The following KLHL25 variants were observed in gnomAD, a reference collection of about 807,000 sequenced individuals.
The protein encoded by KLHL25 is kelch like family member 25, also known as kelch-like protein 25.
A neutral mutation model predicts 30.0 loss-of-function variants in KLHL25; 41 were observed. That is an observed-to-expected ratio of 1.37 (90% CI 1.07 to 1.78). The LOEUF (loss-of-function observed/expected upper bound fraction) is 1.78. Among genes scored for constraint, KLHL25 ranks in the 40% most tolerant of loss-of-function variants. The pLI, the probability that KLHL25 is intolerant of heterozygous loss-of-function variation, is 0.00. For synonymous variants in KLHL25, 399 were observed against 355.3 expected, an observed-to-expected ratio of 1.12 and a Z score of -1.38; for missense variants, 971 against 824.5, an observed-to-expected ratio of 1.18 and a Z score of -2.18.
intron 1 of KLHL25, among the ~76,000 whole-genome samples, chr15:85,785,964 A>ACCCCC (rs36016415): frequency 2.0e-4 from 24 of 117,808 alleles, no homozygotes; most frequent in Non-Finnish European, 2.6e-4. Flanking sequence ...CAGCCGACCC[A>ACCCCC]CCCCCCCGCC....
chr15:85,784,487 C>T (rs191382583), intron 1 of KLHL25, among the ~76,000 whole-genome samples: 48 of 151,948 alleles, frequency 3.2e-4, no homozygotes, highest in African/African-American at 1.1e-3. Context: ...GCTGACGTTG[C>T]TCTACTGCAC....
At chr15:85,786,917 G>A (rs370956748) in intron 1 of KLHL25, among the ~76,000 whole-genome samples, 1 of 152,160 alleles carries the variant, frequency 6.6e-6, no homozygotes, top group South Asian at 2.1e-4. Context: ...GCCTAGTGGG[G>A]GGCAGGGGCG....
intron 1 of KLHL25, among the ~76,000 whole-genome samples, 196 bp from the exon 2 acceptor site, chr15:85,770,016 C>A (rs1013724787): frequency 6.6e-6 from 1 of 152,220 alleles, no homozygotes; most frequent in African/African-American, 2.4e-5. Context: ...CCCTGCCCTG[C>A]AGAAACTGGT....
intron 2 of KLHL25, chr15:85,763,571 A>T (rs1019928493): frequency 2.0e-5 from 3 of 152,524 alleles, no homozygotes; most frequent in Non-Finnish European, 4.4e-5. Flanking sequence ...CAGGGGAAAA[A>T]AAATGCTTGT....
chr15:85,785,964 A>ACCCCCCCC (rs36016415), intron 1 of KLHL25, among the ~76,000 whole-genome samples: 5 of 117,842 alleles, frequency 4.2e-5, no homozygotes, highest in South Asian at 3.1e-4. Flanking sequence ...CAGCCGACCC[A>ACCCCCCCC]CCCCCCCGCC....
At chr15:85,773,807 G>A (rs2151809076) in intron 1 of KLHL25, among the ~76,000 whole-genome samples, 1 of 152,288 alleles carries the variant, frequency 6.6e-6, no homozygotes, top group South Asian at 2.1e-4. Flanking sequence ...ATGGAAGCCT[G>A]CGCAGAGGGC....
intron 1 of KLHL25, among the ~76,000 whole-genome samples, chr15:85,786,111 TCTC>T (rs995124497): frequency 3.9e-5 from 6 of 152,126 alleles, no homozygotes; most frequent in Non-Finnish European, 8.8e-5. Flanking sequence ...CCCTTTCCCT[TCTC>T]CTGCTCACTA....
chr15:85,785,904 T>C (rs770671798), intron 1 of KLHL25, among the ~76,000 whole-genome samples: 2 of 152,130 alleles, frequency 1.3e-5, no homozygotes, highest in East Asian at 1.9e-4. Flanking sequence ...CTCAGCGAAA[T>C]GCCTTCAAGC....
intron 1 of KLHL25, among the ~76,000 whole-genome samples, chr15:85,785,474 A>G (rs990981982): frequency 3.9e-5 from 6 of 152,032 alleles, no homozygotes; most frequent in Non-Finnish European, 5.9e-5. Flanking sequence ...CAAAGTTTCA[A>G]CCTTCTGGGC....
In KLHL25 at chr15:85,789,129, T is replaced by C. The variant is rs531849888; in HGVS notation, c.-11+5637A>G. On this transcript the variant is annotated intron_variant, in intron 1 of 2. Coordinates refer to ENST00000337975, the MANE Select transcript of KLHL25 (RefSeq NM_022480.4). The surrounding 1 kb of genome is among the most constrained non-coding windows in gnomAD (Gnocchi z 4.1). ...GGGCCCAATGGGAACAGGCAAAAAA[T>C]GTAAGCAAGGCTTTTTTGTCTCCAT... Among the ~76,000 whole-genome samples, 19 of 151,674 alleles carry C rather than the reference T, an allele frequency of 1.3e-4. No homozygotes were observed. Among genetic ancestry groups the C allele is most frequent in the African/African-American group, 4.6e-4 (19 of 41,374 alleles).
intron 1 of KLHL25, among the ~76,000 whole-genome samples, chr15:85,771,941 C>A (rs1194835513): frequency 6.6e-6 from 1 of 152,234 alleles, no homozygotes; most frequent in African/African-American, 2.4e-5. Flanking sequence ...CTGACCGGGT[C>A]TGAGGGAAGC....
At chr15:85,770,781 C>T (rs1379467291) in intron 1 of KLHL25, among the ~76,000 whole-genome samples, 1 of 152,216 alleles carries the variant, frequency 6.6e-6, no homozygotes, top group Non-Finnish European at 1.5e-5. Flanking sequence ...CCCCTGCCTC[C>T]CTTGCCTGCC....
intron 1 of KLHL25, among the ~76,000 whole-genome samples, chr15:85,785,254 C>T (rs758278511): frequency 2.0e-5 from 3 of 151,976 alleles, no homozygotes; most frequent in Admixed American, 6.6e-5. Context: ...CCACGACGTC[C>T]GGCTAATGTT....
Position 85,768,111 on chromosome 15 carries a change from C to T in KLHL25, c.1700G>A (p.Cys567Tyr), listed in dbSNP as rs777711642. The change falls in exon 2 of 3, where the codon TGC becomes TAC. Residue 567 changes from cysteine (C) to tyrosine (Y), a missense_variant. Coordinates refer to ENST00000337975, the MANE Select transcript of KLHL25 (RefSeq NM_022480.4). ...CYDPTSDTWN[C>Y]ITTVPYSLIP... is the part of the protein sequence containing the mutation. Reference sequence around the variant, plus strand: ...AAGTGAGTAGGGCACTGTGGTGATGCAGTTCCATGTATCTGAAGTGGGGTC... The same window carrying T: ...AAGTGAGTAGGGCACTGTGGTGATGTAGTTCCATGTATCTGAAGTGGGGTC... 1 of 1,614,226 alleles carries T rather than the reference C, an allele frequency of 6.2e-7. No homozygotes were observed. Among genetic ancestry groups the T allele is most frequent in the South Asian group, 1.1e-5 (1 of 91,088 alleles).
chr15:85,785,087 C>CTTTTTTTTTTTTTTTTTTTTTTTTTT (rs754310721), intron 1 of KLHL25, among the ~76,000 whole-genome samples: 1 of 139,082 alleles, frequency 7.2e-6, no homozygotes, highest in Non-Finnish European at 1.6e-5. Context: ...TGATGTATTT[C>CTTTTTTTTTTTTTTTTTTTTTTTTTT]TTTTTTCTTT....
intron 1 of KLHL25, among the ~76,000 whole-genome samples, chr15:85,782,156 G>A (rs1041891714): frequency 6.6e-6 from 1 of 152,026 alleles, no homozygotes; most frequent in African/African-American, 2.4e-5. Flanking sequence ...GATAATTCTC[G>A]GTCTCTTGAA....
chr15:85,773,570 G>C (rs2089690778), intron 1 of KLHL25, among the ~76,000 whole-genome samples: 2 of 152,208 alleles, frequency 1.3e-5, no homozygotes, highest in South Asian at 4.1e-4. Flanking sequence ...CTGGGCCCTG[G>C]GGATCAGGTG....
intron 1 of KLHL25, among the ~76,000 whole-genome samples, chr15:85,773,258 C>A (rs889678385): frequency 3.3e-5 from 5 of 152,314 alleles, no homozygotes; most frequent in Non-Finnish European, 5.9e-5. Flanking sequence ...CCATCTCTTC[C>A]TATGCCCATG....
intron 1 of KLHL25, chr15:85,770,346 G>A: frequency 2.4e-6 from 1 of 421,806 alleles, no homozygotes; most frequent in Non-Finnish European, 4.8e-6. Context: ...TCTGGAGCCT[G>A]ATCTCTGTTC....
Sources: gnomAD v4.1 joint callset for allele counts (sites outside exome capture counted in the v4.1 genomes callset) on GRCh38, gnomAD v4.1.1 for gene constraint, Gnocchi (gnomAD v3.1) non-coding constraint, MANE v1.5 for transcripts, NCBI Gene and HGNC (gene_info 2026-07-23, HGNC 2026-07-21) for gene names.